KHDRBS2: variants seen among roughly 807,000 people sequenced by gnomAD.
The protein encoded by KHDRBS2 is KH domain-containing, RNA-binding, signal transduction-associated protein 2.
In KHDRBS2, 26 loss-of-function variants were observed where a neutral mutation model predicts 44.3. The ratio of observed to expected loss-of-function variants is 0.59; its 90% confidence interval spans 0.43 to 0.81. KHDRBS2 has a LOEUF of 0.81. KHDRBS2 is among the 40% of genes least tolerant of loss of function. The pLI is 0.00. For synonymous variants in KHDRBS2, 194 were observed against 151.1 expected, an observed-to-expected ratio of 1.28 and a Z score of -2.08; for missense variants, 476 against 433.1, an observed-to-expected ratio of 1.10 and a Z score of -0.88.
chr6:62,015,551 G>A (rs1781058503), intron 3 of KHDRBS2, among the ~76,000 whole-genome samples: 1 of 151,990 alleles, frequency 6.6e-6, no homozygotes, highest in Non-Finnish European at 1.5e-5. Flanking sequence ...CCATCTAAAA[G>A]TCCCCTGATC....
chr6:62,022,541 C>A (rs1306813540), intron 3 of KHDRBS2, among the ~76,000 whole-genome samples: 1 of 151,706 alleles, frequency 6.6e-6, no homozygotes. Context: ...AAAAAGACAA[C>A]TAAGTTTATA....
In KHDRBS2 at chr6:61,696,306, A is replaced by T. The variant is rs575325409; in HGVS notation, c.952+889T>A. Among the ~76,000 whole-genome samples, 6 of 150,702 alleles carry T rather than the reference A, an allele frequency of 4.0e-5. No individual in the cohort carries two copies. In the South Asian group the frequency reaches 1.3e-3, roughly 32 times the overall value. The stretch of plus-strand genomic sequence containing the variant: ...GAGTCTCGCTCTGTTGCCAGGCTGG[A>T]GTGCGGTGGCACGATCTCGGCTCAC... On this transcript the variant is annotated intron_variant, in intron 8 of 8. Coordinates refer to ENST00000281156, the MANE Select transcript of KHDRBS2 (RefSeq NM_152688.4).
At chr6:61,663,456 A>T in the KHDRBS2 span, among the ~76,000 whole-genome samples, 3 of 128,788 alleles carry the variant, frequency 2.3e-5, no homozygotes, top group African/African-American at 8.4e-5. Context: ...ATTGAAGATA[A>T]TGACAAACAT....
the KHDRBS2 span, among the ~76,000 whole-genome samples, chr6:61,570,755 G>A: frequency 6.6e-6 from 1 of 152,050 alleles, no homozygotes; most frequent in Non-Finnish European, 1.5e-5. Flanking sequence ...AAGGGATTGG[G>A]GTCCCATCTT....
At chr6:61,701,816 T>G (rs1017051336) in intron 7 of KHDRBS2, among the ~76,000 whole-genome samples, 3 of 152,026 alleles carry the variant, frequency 2.0e-5, no homozygotes, top group Admixed American at 1.3e-4. Flanking sequence ...TAATGATAGT[T>G]TCTATTGCAG....
the KHDRBS2 span, among the ~76,000 whole-genome samples, chr6:61,609,901 C>T: frequency 1.3e-5 from 2 of 152,060 alleles, no homozygotes; most frequent in Non-Finnish European, 2.9e-5. Flanking sequence ...AGGCTGGGTG[C>T]GGTGGCTCAC....
At chr6:62,188,454 T>A (rs1823906827) in intron 1 of KHDRBS2, among the ~76,000 whole-genome samples, 1 of 152,102 alleles carries the variant, frequency 6.6e-6, no homozygotes. Flanking sequence ...CCATCCATGT[T>A]GTCACAAATG....
chr6:61,736,460 G>A (rs140712931), intron 6 of KHDRBS2, among the ~76,000 whole-genome samples: 2 of 151,680 alleles, frequency 1.3e-5, no homozygotes, highest in African/African-American at 4.8e-5. Context: ...TGCTCCAAGG[G>A]GTGCAAACTT....
chr6:61,966,212 C>T lies in KHDRBS2; in HGVS notation c.483+11854G>A, dbSNP rs139300618. Among the ~76,000 whole-genome samples the T allele has an allele frequency of 2.6e-3, 391 of 152,010 alleles. 3 individuals are homozygous for T. The highest frequency in any genetic ancestry group is 8.9e-3 in the African/African-American group (368 of 41,492). On this transcript the variant is annotated intron_variant, in intron 4 of 8. Coordinates refer to ENST00000281156, the MANE Select transcript of KHDRBS2 (RefSeq NM_152688.4). Reference sequence around the variant, plus strand: ...CAGTTTGGTAGTAAAATTATCTCATCGTAAGATAAAACATTCATTTAAGAA... The same window carrying T: ...CAGTTTGGTAGTAAAATTATCTCATTGTAAGATAAAACATTCATTTAAGAA...
chr6:62,240,717 T>A (rs59825516), intron 1 of KHDRBS2, among the ~76,000 whole-genome samples: 4 of 119,592 alleles, frequency 3.3e-5, no homozygotes, highest in East Asian at 2.6e-4. Flanking sequence ...TATATATATA[T>A]AAACATGAGT....
At chr6:61,683,131 G>T (rs1766479085) in intron 8 of KHDRBS2, among the ~76,000 whole-genome samples, 1 of 151,982 alleles carries the variant, frequency 6.6e-6, no homozygotes, top group African/African-American at 2.4e-5. Flanking sequence ...CCAGGAAATA[G>T]AAGTCCCAGG....
intron 6 of KHDRBS2, among the ~76,000 whole-genome samples, chr6:61,859,705 G>C (rs1354187608): frequency 6.6e-6 from 1 of 151,884 alleles, no homozygotes; most frequent in Non-Finnish European, 1.5e-5. Context: ...TCATGAATAT[G>C]AATCAACATA....
the KHDRBS2 span, among the ~76,000 whole-genome samples, chr6:61,586,991 A>T: frequency 6.6e-6 from 1 of 152,164 alleles, no homozygotes; most frequent in Non-Finnish European, 1.5e-5. Context: ...ATACCTTCTG[A>T]CTAATTTAGC....
At chr6:61,941,624 A>G (rs1812148623) in intron 4 of KHDRBS2, among the ~76,000 whole-genome samples, 3 of 152,108 alleles carry the variant, frequency 2.0e-5, no homozygotes, top group Non-Finnish European at 4.4e-5. Flanking sequence ...ACTGCTCCCT[A>G]AGCCACCAAG....
chr6:62,062,761 C>A (rs997444588), intron 2 of KHDRBS2, among the ~76,000 whole-genome samples: 2 of 145,662 alleles, frequency 1.4e-5, no homozygotes, highest in Admixed American at 1.4e-4. Flanking sequence ...TGGCAGAAGG[C>A]AAGAAATAAC....
intron 1 of KHDRBS2, among the ~76,000 whole-genome samples, chr6:62,273,422 TCTA>T (rs1447999221): frequency 6.6e-6 from 1 of 152,188 alleles, no homozygotes; most frequent in African/African-American, 2.4e-5. Flanking sequence ...TCTTACTTGA[TCTA>T]CTGCAACATT....
intron 1 of KHDRBS2, among the ~76,000 whole-genome samples, chr6:62,238,817 C>G (rs1834126811): frequency 6.6e-6 from 1 of 151,956 alleles, no homozygotes. Context: ...TCTGTACCAT[C>G]TTAATCAAGT....
In KHDRBS2 at chr6:62,056,040, A is replaced by C. The variant is rs971737805; in HGVS notation, c.220-8046T>G. On this transcript the variant is annotated intron_variant, in intron 2 of 8. Coordinates refer to ENST00000281156, the MANE Select transcript of KHDRBS2 (RefSeq NM_152688.4). ...TTTCTCCCCTGTGCTCTGAGGCTTT[A>C]GGCTCCCATCTTTACGGCCTGTTGG... is the stretch of plus-strand genomic sequence containing the variant. 2.6e-5 allele frequency among the ~76,000 whole-genome samples: 4 copies of C among 151,964 alleles called. No individual in the cohort carries two copies. In the East Asian group the frequency reaches 7.8e-4, roughly 30 times the overall value.
intron 4 of KHDRBS2, among the ~76,000 whole-genome samples, chr6:61,932,285 A>C (rs1562465393): frequency 6.6e-6 from 1 of 152,214 alleles, no homozygotes; most frequent in African/African-American, 2.4e-5. Flanking sequence ...AATTTTTGTA[A>C]TGAAAGAATG....
Sources: allele counts gnomAD v4.1 joint callset (sites outside exome capture counted in the v4.1 genomes callset), GRCh38; gene constraint gnomAD v4.1.1; transcripts MANE v1.5; gene names NCBI Gene and HGNC (gene_info 2026-07-23, HGNC 2026-07-21).